EXT1: variants seen among roughly 807,000 people sequenced by gnomAD.
The protein encoded by EXT1 is exostosin glycosyltransferase 1, also known as exostosin-1.
Under a neutral mutation model 82.5 loss-of-function variants are expected in EXT1, and 20 were observed. The ratio of observed to expected loss-of-function variants is 0.24; its 90% CI spans 0.17 to 0.35. EXT1 has a LOEUF of 0.35. EXT1 is among the 10% of genes least tolerant of loss of function. The pLI, the probability that EXT1 is intolerant of heterozygous loss-of-function variation, is 1.00. For missense variants in EXT1, 757 were observed against 936.5 expected, an observed-to-expected ratio of 0.81 and a Z score of 2.50; for synonymous variants, 348 against 350.8, an observed-to-expected ratio of 0.99 and a Z score of 0.09.
intron 1 of EXT1, among the ~76,000 whole-genome samples, chr8:118,006,505 A>C (rs976413124): frequency 1.3e-5 from 2 of 152,124 alleles, no homozygotes; most frequent in African/African-American, 4.8e-5. Flanking sequence ...AAATGCCTAT[A>C]ATACTCTACC....
chr8:118,039,298 G>A (rs912976701), intron 1 of EXT1, among the ~76,000 whole-genome samples: 11 of 152,156 alleles, frequency 7.2e-5, no homozygotes, highest in East Asian at 1.9e-4. Context: ...GGTGGCTCAC[G>A]CCTGTAATCC....
chr8:117,895,212 G>A (rs1813315236), intron 1 of EXT1, among the ~76,000 whole-genome samples: 2 of 152,022 alleles, frequency 1.3e-5, no homozygotes, highest in South Asian at 2.1e-4. Flanking sequence ...GTCTCTGTGG[G>A]GTTTACCTCT....
intron 6 of EXT1, 140 bp downstream of exon 6, chr8:117,819,536 G>C (rs1811885426): frequency 6.4e-6 from 5 of 780,484 alleles, no homozygotes; most frequent in African/African-American, 1.7e-5. Context: ...GAGGCAGGAT[G>C]AATGAAAGGG....
intron 1 of EXT1, among the ~76,000 whole-genome samples, chr8:117,886,474 T>C (rs539381607): frequency 6.6e-6 from 1 of 152,340 alleles, no homozygotes; most frequent in Admixed American, 6.5e-5. Context: ...TAAATGAGCA[T>C]GAATACTCCT....
chr8:117,804,378 C>T (rs1388378876), intron 10 of EXT1, among the ~76,000 whole-genome samples: 3 of 152,160 alleles, frequency 2.0e-5, no homozygotes, highest in African/African-American at 4.8e-5. Context: ...GCCTCTAGAA[C>T]TATGAAAAAT....
chr8:117,835,470 T>C lies in EXT1; in HGVS notation c.1138A>G (p.Ile380Val), dbSNP rs747020325. ...TGTAATAACAATCTCTCATCGCCTA[T>C]GACGGCAGCTTGGTTCCAATTAATC... is the stretch of plus-strand genomic sequence containing the variant. ...EVINWNQAAV[I>V]GDERLLLQIP... The change falls in exon 3 of 11, where the codon ATA becomes GTA. Residue 380 changes from isoleucine to valine, a missense_variant. Physicochemically the swap from Ile to Val is conservative, Grantham distance 29. Transcript: ENST00000378204. 8.7e-6 allele frequency: 14 copies of C among 1,614,032 alleles called. No homozygotes were observed. In the African/African-American group the frequency reaches 1.3e-4, roughly 15 times the overall value.
intron 1 of EXT1, among the ~76,000 whole-genome samples, chr8:117,874,670 T>C (rs1160776549): frequency 1.3e-5 from 2 of 152,010 alleles, no homozygotes; most frequent in Non-Finnish European, 2.9e-5. Flanking sequence ...TGATCTACTC[T>C]GCTACTCATG....
chr8:117,821,332 C>T (rs1423581461), intron 5 of EXT1, among the ~76,000 whole-genome samples: 1 of 152,116 alleles, frequency 6.6e-6, no homozygotes, highest in Non-Finnish European at 1.5e-5. Flanking sequence ...GAGGGATTGC[C>T]TTTTAAACAG....
At chr8:117,951,552 T>C (rs1005810602) in intron 1 of EXT1, among the ~76,000 whole-genome samples, 2 of 152,352 alleles carry the variant, frequency 1.3e-5, no homozygotes, top group Middle Eastern at 3.4e-3. Context: ...GGAAGATACC[T>C]GCTGCCTATG....
At chr8:118,033,276 A>C (rs1816365552) in intron 1 of EXT1, among the ~76,000 whole-genome samples, 2 of 152,166 alleles carry the variant, frequency 1.3e-5, no homozygotes, top group African/African-American at 4.8e-5. Flanking sequence ...GTCTTTTGTA[A>C]CATAAATGTT....
intron 1 of EXT1, among the ~76,000 whole-genome samples, chr8:118,098,590 A>T (rs1817661028): frequency 1.3e-5 from 2 of 152,068 alleles, no homozygotes; most frequent in Admixed American, 6.6e-5. Context: ...CCCCGTCTCT[A>T]CTAAAAAATA....
chr8:117,866,915 G>C (rs1418984696), intron 1 of EXT1, among the ~76,000 whole-genome samples: 1 of 152,012 alleles, frequency 6.6e-6, no homozygotes, highest in Non-Finnish European at 1.5e-5. Context: ...AATGTCTCAA[G>C]GACATTCAGT....
chr8:118,052,602 G>T (rs1816735826), intron 1 of EXT1, among the ~76,000 whole-genome samples: 1 of 152,172 alleles, frequency 6.6e-6, no homozygotes, highest in East Asian at 1.9e-4. Flanking sequence ...AATCTAAGAG[G>T]TAAAAAAACA....
chr8:117,860,039 C>T (rs889269260), intron 1 of EXT1, among the ~76,000 whole-genome samples: 4 of 147,312 alleles, frequency 2.7e-5, no homozygotes, highest in African/African-American at 1.0e-4. Context: ...CCCAGCTACC[C>T]GGGAGGCTGA....
intron 1 of EXT1, among the ~76,000 whole-genome samples, chr8:117,929,758 C>A (rs542388585): frequency 1.3e-5 from 2 of 152,292 alleles, no homozygotes; most frequent in East Asian, 3.9e-4. Context: ...GGATATCTAT[C>A]CGTATATGGG....
Position 117,875,564 on chromosome 8 carries a change from A to G in EXT1, c.963-38363T>C, listed in dbSNP as rs528751930. Among the ~76,000 whole-genome samples, 5 of 152,164 alleles carry G rather than the reference A, an allele frequency of 3.3e-5. No individual in the cohort carries two copies. The East Asian group carries it at 9.6e-4, about 29-fold the overall frequency. ...TAACAGGTGTAATTTCAGAGCCCCA[A>G]CTGCTAATTCCACATGCAAAATTGT... is the stretch of plus-strand genomic sequence containing the variant. On this transcript the variant is annotated intron_variant, in intron 1 of 10. Transcript: ENST00000378204.
chr8:118,035,385 C>T (rs1816400999), intron 1 of EXT1, among the ~76,000 whole-genome samples: 1 of 152,072 alleles, frequency 6.6e-6, no homozygotes, highest in African/African-American at 2.4e-5. Flanking sequence ...GCCACAAATC[C>T]AATTACTAAT....
chr8:118,033,074 G>A lies in EXT1; in HGVS notation c.962+77011C>T, dbSNP rs1272495407. ...GGGTCAAGTAACTTCAGGTATTTAT[G>A]CCCATTGCAATGCGCTAAATATGTG... On this transcript the variant is annotated intron_variant, in intron 1 of 10. Coordinates refer to ENST00000378204, the MANE Select transcript of EXT1 (RefSeq NM_000127.3). Among the ~76,000 whole-genome samples the A allele has an allele frequency of 2.6e-5, 4 of 152,126 alleles. No homozygotes were observed. In the South Asian group the frequency reaches 8.3e-4, roughly 32 times the overall value.
intron 1 of EXT1, among the ~76,000 whole-genome samples, chr8:117,853,437 C>T (rs1038315802): frequency 3.9e-5 from 6 of 152,118 alleles, no homozygotes; most frequent in East Asian, 3.9e-4. Flanking sequence ...TCCAGCTACT[C>T]GGAAGGCTGA....
Sources: gnomAD v4.1 joint callset for allele counts (sites outside exome capture counted in the v4.1 genomes callset) on GRCh38, gnomAD v4.1.1 for gene constraint, MANE v1.5 for transcripts, NCBI Gene and HGNC (gene_info 2026-07-23, HGNC 2026-07-21) for gene names.